Variants in PPP2R2C observed in about 807,000 individuals in gnomAD.
PPP2R2C encodes the protein protein phosphatase 2, regulatory subunit B, gamma.
A neutral mutation model predicts 45.3 loss-of-function variants in PPP2R2C; 10 were observed. That is an observed-to-expected ratio of 0.22 (90% CI 0.14 to 0.37). The LOEUF is 0.37. PPP2R2C is among the 10% of genes least tolerant of loss of function. The pLI, the probability that PPP2R2C is intolerant of heterozygous loss-of-function variation, is 1.00. For synonymous variants in PPP2R2C, 257 were observed against 245.4 expected (o/e 1.05, Z -0.44); for missense variants, 308 against 619.7 (o/e 0.50, Z 5.34).
intron 2 of PPP2R2C, among the ~76,000 whole-genome samples, chr4:6,503,790 G>T (rs375808604): frequency 3.6e-4 from 38 of 104,676 alleles, no homozygotes; most frequent in Middle Eastern, 5.4e-3. Flanking sequence ...ATACTACTTG[G>T]CAATTAAAAA....
At chr4:6,385,361 T>A (rs1192965258) in intron 1 of PPP2R2C, among the ~76,000 whole-genome samples, 5 of 152,324 alleles carry the variant, frequency 3.3e-5, no homozygotes, top group Admixed American at 1.3e-4. Context: ...TAGGAAAAGT[T>A]GCCTCTCTTG....
rs751629432 is a variant in PPP2R2C at position 6,381,845 on chromosome 4, A to C, written c.71-751T>G. The C allele has an allele frequency of 7.4e-6, 12 of 1,613,440 alleles. No homozygotes were observed. The South Asian group carries it at 1.3e-4, about 18-fold the overall frequency. On this transcript the variant is annotated intron_variant, in intron 1 of 8. Coordinates refer to ENST00000382599, the MANE Select transcript of PPP2R2C (RefSeq NM_020416.4). ...GTGTTTGGAGAAAAAAGACAGCCCC[A>C]TCTCCAGGCCCCACTTTTTGCATGT...
At chr4:6,338,322 G>C (rs981348939) in intron 6 of PPP2R2C, among the ~76,000 whole-genome samples, 2 of 152,160 alleles carry the variant, frequency 1.3e-5, no homozygotes, top group African/African-American at 4.8e-5. Context: ...CTCATGGCTC[G>C]AGCCGGTTCC....
chr4:6,533,425 C>A (rs1724472040), intron 2 of PPP2R2C, among the ~76,000 whole-genome samples: 1 of 152,214 alleles, frequency 6.6e-6, no homozygotes, highest in Non-Finnish European at 1.5e-5. Flanking sequence ...AAAGACCTGT[C>A]CTCCTGCCCC....
intron 5 of PPP2R2C, among the ~76,000 whole-genome samples, chr4:6,355,830 A>C (rs1560474308): frequency 1.0e-5 from 1 of 97,168 alleles, no homozygotes; most frequent in Non-Finnish European, 2.6e-5. Flanking sequence ...GACTCTACTA[A>C]AAATACAAAA....
chr4:6,529,943 G>A (rs1406783978), intron 2 of PPP2R2C, among the ~76,000 whole-genome samples: 1 of 152,124 alleles, frequency 6.6e-6, no homozygotes, highest in Non-Finnish European at 1.5e-5. Context: ...GCGCACGAGT[G>A]ACGGAGCCCA....
intron 2 of PPP2R2C, among the ~76,000 whole-genome samples, chr4:6,486,177 T>C (rs1184366635): frequency 2.0e-5 from 3 of 152,066 alleles, no homozygotes; most frequent in Non-Finnish European, 4.4e-5. Context: ...TTCCAAATAT[T>C]TGGAGATTTT....
intron 1 of PPP2R2C, among the ~76,000 whole-genome samples, chr4:6,447,826 A>AT (rs1720512180): frequency 6.6e-6 from 1 of 152,126 alleles, no homozygotes; most frequent in African/African-American, 2.4e-5. Flanking sequence ...CTACGGCTGG[A>AT]GTAACAGCAG....
At chr4:6,333,241 C>T (rs943160155) in intron 7 of PPP2R2C, among the ~76,000 whole-genome samples, 4 of 152,150 alleles carry the variant, frequency 2.6e-5, no homozygotes, top group South Asian at 2.1e-4. Context: ...GGGAAGCCAT[C>T]GTCTACATGC....
rs1272383355 is a variant in PPP2R2C at position 6,332,419 on chromosome 4, T to C, written c.960+1143A>G. On this transcript the variant is annotated intron_variant, in intron 7 of 8. Coordinates refer to ENST00000382599, the MANE Select transcript of PPP2R2C (RefSeq NM_020416.4). The surrounding 1 kb of genome is among the most constrained non-coding windows in gnomAD (Gnocchi z 4.9). ...AAGAACTCAAGTAAACACACGTGGC[T>C]GACAAACAGGCGGTCCCCATAGCGG... is the stretch of plus-strand genomic sequence containing the variant. Among the ~76,000 whole-genome samples, 1 of 152,132 alleles carries C rather than the reference T, an allele frequency of 6.6e-6. No homozygotes were observed. Among genetic ancestry groups the C allele is most frequent in the Non-Finnish European group, 1.5e-5 (1 of 68,018 alleles).
intron 1 of PPP2R2C, among the ~76,000 whole-genome samples, chr4:6,422,758 GA>G (rs1719060893): frequency 6.6e-6 from 1 of 152,180 alleles, no homozygotes; most frequent in Non-Finnish European, 1.5e-5. Flanking sequence ...GTACCTCTGT[GA>G]AAACCCTGTC....
chr4:6,537,527 T>C (rs925631092), intron 1 of PPP2R2C, among the ~76,000 whole-genome samples: 3 of 151,738 alleles, frequency 2.0e-5, no homozygotes, highest in Admixed American at 6.6e-5. Flanking sequence ...CATGCTACAA[T>C]GTAGACGAAC....
rs1455600392 is a variant in PPP2R2C, at chr4:6,478,517, AT to A, written c.49+56753del. On this transcript the variant is annotated intron_variant, in intron 2 of 9. Coordinates refer to the PPP2R2C transcript ENST00000506140. ...AGCCCGAGTCCTTAATTGAGTACAAATAACAGGGCCCTGTTCGATGTGCTGA... is the reference window on the plus strand; with the variant it reads ...AGCCCGAGTCCTTAATTGAGTACAAAAACAGGGCCCTGTTCGATGTGCTGA... Among the ~76,000 whole-genome samples, 19 of 18,842 alleles carry A rather than the reference AT, an allele frequency of 1.0e-3. No homozygotes were observed. The Admixed American group carries it at 0.018, about 18-fold the overall frequency. The allele number at this position is 18,842 out of a possible 152,430, so 12.4% of individuals were successfully genotyped here. A position where few individuals can be genotyped will look rare whatever the true frequency, so the allele number is the denominator to read the frequency against.
chr4:6,527,581 A>C (rs2108819248), intron 2 of PPP2R2C, among the ~76,000 whole-genome samples: 1 of 103,624 alleles, frequency 9.7e-6, no homozygotes, highest in East Asian at 3.0e-4. Context: ...GGCCTGGGTA[A>C]CCCCGCCCGA....
intron 1 of PPP2R2C, among the ~76,000 whole-genome samples, chr4:6,556,047 G>T (rs755850777): frequency 6.6e-6 from 1 of 152,224 alleles, no homozygotes; most frequent in South Asian, 2.1e-4. Flanking sequence ...GCAGGCTAGC[G>T]TGTCTATCCT....
rs760350437 is a variant in PPP2R2C, at chr4:6,345,124, A to G, written c.790+2722T>C. Among the ~76,000 whole-genome samples the G allele has an allele frequency of 6.6e-6, 1 of 152,168 alleles. No individual in the cohort carries two copies. Among genetic ancestry groups the G allele is most frequent in the Non-Finnish European group, 1.5e-5 (1 of 68,026 alleles). On this transcript the variant is annotated intron_variant, in intron 6 of 8. Coordinates refer to ENST00000382599, the MANE Select transcript of PPP2R2C (RefSeq NM_020416.4). The surrounding 1 kb of genome is among the most constrained non-coding windows in gnomAD (Gnocchi z 5.3). ...TGTTTCTGGATTTCCACCCCTATAA[A>G]CAACAGGGTGCCAATGAAGCCCCAT...
intron 2 of PPP2R2C, among the ~76,000 whole-genome samples, chr4:6,504,932 G>GCGA (rs1723171642): frequency 6.6e-6 from 1 of 151,950 alleles, no homozygotes; most frequent in African/African-American, 2.4e-5. Flanking sequence ...TACATTTCCA[G>GCGA]ATCCAAGAAG....
intron 1 of PPP2R2C, among the ~76,000 whole-genome samples, chr4:6,466,656 G>A (rs1404508785): frequency 4.6e-5 from 7 of 152,052 alleles, no homozygotes; most frequent in Admixed American, 2.6e-4. Flanking sequence ...GGAGCCTAGC[G>A]CTTCATACAG....
At position 6,452,327 on chromosome 4, in the gene PPP2R2C, T is replaced by C. The variant is rs575152650; in HGVS notation, c.70+19833A>G. ...CCCTCAGGACACAGCTGGATTTTCC[T>C]CACTTCCCAGCTCCTGGGGCCCACC... On this transcript the variant is annotated intron_variant, in intron 1 of 8. Transcript: ENST00000382599. Among the ~76,000 whole-genome samples the C allele has an allele frequency of 2.6e-5, 4 of 152,248 alleles. No homozygotes were observed. In the East Asian group the frequency reaches 7.7e-4, roughly 29 times the overall value.
Sources: allele counts gnomAD v4.1 joint callset (sites outside exome capture counted in the v4.1 genomes callset), GRCh38; gene constraint gnomAD v4.1.1; non-coding constraint Gnocchi (gnomAD v3.1); transcripts MANE v1.5; gene names NCBI Gene and HGNC (gene_info 2026-07-23, HGNC 2026-07-21).